The following PKD1L3 variants were observed in gnomAD, a reference collection of about 807,000 sequenced individuals.
PKD1L3 encodes polycystin-1-like protein 3.
A neutral mutation model predicts 184.1 loss-of-function variants in PKD1L3; 239 were observed. That is an observed-to-expected ratio of 1.30 (90% CI 1.17 to 1.45). The LOEUF is 1.45. Among genes scored for constraint, PKD1L3 ranks in the 40% most tolerant of loss-of-function variants. The pLI, the probability that PKD1L3 is intolerant of heterozygous loss-of-function variation, is 0.00. For synonymous variants in PKD1L3, 996 were observed against 778.8 expected (o/e 1.28, Z -4.64); for missense variants, 2,660 against 2,067.2 (o/e 1.29, Z -5.56).
At chr16:71,981,522 A>G (rs1597360707) in intron 7 of PKD1L3, among the ~76,000 whole-genome samples, 2 of 141,342 alleles carry the variant, frequency 1.4e-5, no homozygotes, top group Non-Finnish European at 3.0e-5. Context: ...TTATGCCAAC[A>G]CTTTCCTAAA....
chr16:71,942,855 C>T lies in PKD1L3; in HGVS notation c.4029G>A (p.Leu1343=), dbSNP rs908660039. 3.2e-6 allele frequency: 5 copies of T among 1,551,556 alleles called. No homozygotes were observed. The highest frequency in any genetic ancestry group is 1.4e-5 in the African/African-American group (1 of 73,052). Residue 1343 remains leucine (L), a synonymous_variant, in exon 24 of 30, where the codon CTG becomes CTA. Coordinates refer to ENST00000620267, the MANE Select transcript of PKD1L3 (RefSeq NM_181536.2). ...PWANHILLPS[L]YGDYRGKNAV... ...CATTCTTACCTCTGTAATCCCCATA[C>T]AGGCTAGGAAGAAGGATATGATTGG...
intron 22 of PKD1L3, 71 bp downstream of exon 22, chr16:71,947,421 G>C: frequency 7.1e-6 from 7 of 979,430 alleles, no homozygotes; most frequent in Non-Finnish European, 1.1e-5. Flanking sequence ...TTAATTTATC[G>C]AGTCAGCAAG....
At chr16:71,963,905 C>T (rs1027533857) in intron 15 of PKD1L3, among the ~76,000 whole-genome samples, 1 of 152,236 alleles carries the variant, frequency 6.6e-6, no homozygotes, top group African/African-American at 2.4e-5. Context: ...TGTATCTACA[C>T]ATTTTATAAC....
At chr16:71,953,206 G>T in intron 17 of PKD1L3, 113 bp from the exon 18 acceptor site, 1 of 889,548 alleles carries the variant, frequency 1.1e-6, no homozygotes, top group Non-Finnish European at 1.6e-6. Flanking sequence ...TTTATCTAGA[G>T]ATAAAATTAT....
At chr16:71,929,842 G>A (rs888032457) in intron 29 of PKD1L3, 164 bp from the exon 30 acceptor site, 8 of 950,562 alleles carry the variant, frequency 8.4e-6, no homozygotes, top group Non-Finnish European at 1.1e-5. Flanking sequence ...ATGGTTGCGA[G>A]CCAACTATTT....
intron 11 of PKD1L3, among the ~76,000 whole-genome samples, chr16:71,976,813 G>A (rs2039942848): frequency 1.3e-5 from 2 of 152,094 alleles, no homozygotes; most frequent in Non-Finnish European, 1.5e-5. Context: ...CACGGTGTCA[G>A]CTCACTGCAA....
chr16:71,969,313 TTTTC>T lies in PKD1L3; in HGVS notation c.2184+558_2184+561del, dbSNP rs778067571. Among the ~76,000 whole-genome samples the T allele has an allele frequency of 1.9e-4, 29 of 152,000 alleles. 1 individual carries two copies. The highest frequency in any genetic ancestry group is 9.8e-4 in the Admixed American group (15 of 15,264). On this transcript the variant is annotated intron_variant, in intron 13 of 29. Transcript: ENST00000620267. ...TTAGTTAAGCTCTCTAGGTCTTTTC[TTTTC>T]TTTTTCTTTTTGGAGACTGGGTCTC...
At chr16:71,988,523 G>A (rs185381363) in intron 4 of PKD1L3, among the ~76,000 whole-genome samples, 4 of 152,314 alleles carry the variant, frequency 2.6e-5, no homozygotes, top group Admixed American at 1.3e-4. Context: ...GATGGGAGAT[G>A]GTGACTTGGA....
At position 71,951,671 on chromosome 16, in the gene PKD1L3, C is replaced by G; in HGVS notation, c.3083G>C (p.Trp1028Ser). Residue 1028 changes from tryptophan to serine, a missense_variant, in exon 19 of 30, where the codon TGG becomes TCG. Transcript: ENST00000620267. ...YLLSKCEQPP[W>S]SSWDITKLVK... ...CAGCTTAGTAATGTCCCAAGAACTC[C>G]ATGGCGGCTGCTCACACTTGGAGAG... 1 of 1,551,684 alleles carries G rather than the reference C, an allele frequency of 6.4e-7. No individual in the cohort carries two copies. Among genetic ancestry groups the G allele is most frequent in the Non-Finnish European group, 8.7e-7 (1 of 1,146,970 alleles).
chr16:71,958,764 G>C (rs2039149937), intron 16 of PKD1L3, among the ~76,000 whole-genome samples: 1 of 123,762 alleles, frequency 8.1e-6, no homozygotes, highest in African/African-American at 3.1e-5. Flanking sequence ...CTAGGCGATA[G>C]AGCAAGACTC....
intron 23 of PKD1L3, among the ~76,000 whole-genome samples, chr16:71,943,411 G>T (rs980169440): frequency 6.6e-6 from 1 of 151,700 alleles, no homozygotes; most frequent in Non-Finnish European, 1.5e-5. Flanking sequence ...GGTGGTCTGT[G>T]CCTGTAATCC....
intron 2 of PKD1L3, among the ~76,000 whole-genome samples, chr16:71,996,249 C>T (rs2040778583): frequency 7.2e-6 from 1 of 139,416 alleles, no homozygotes; most frequent in African/African-American, 2.7e-5. Flanking sequence ...CCCACCTCCC[C>T]CGCCTTTTTT....
chr16:71,975,182 A>G (rs868410803), intron 11 of PKD1L3, among the ~76,000 whole-genome samples: 1 of 151,314 alleles, frequency 6.6e-6, no homozygotes, highest in Non-Finnish European at 1.5e-5. Flanking sequence ...CAGCCTCCCA[A>G]GTAGTTAGGA....
Position 71,975,645 on chromosome 16 carries a change from G to A in PKD1L3, c.1759+1591C>T, listed in dbSNP as rs2039890244. Among the ~76,000 whole-genome samples the A allele has an allele frequency of 4.6e-5, 7 of 152,034 alleles. No individual in the cohort carries two copies. The South Asian group carries it at 1.5e-3, about 32-fold the overall frequency. On this transcript the variant is annotated intron_variant, in intron 11 of 29. Coordinates refer to ENST00000620267, the MANE Select transcript of PKD1L3 (RefSeq NM_181536.2). ...TCAACCATACAAAGAATTTTACAGG[G>A]AATAACCATATAACCATTAACTAGA... is the stretch of plus-strand genomic sequence containing the variant.
At chr16:71,979,933 G>A in intron 8 of PKD1L3, 21 bp from the exon 9 acceptor site, 7 of 1,550,640 alleles carry the variant, frequency 4.5e-6, no homozygotes, top group Non-Finnish European at 6.1e-6. Context: ...AAGTTAAAAT[G>A]GAAGTCAATT....
chr16:71,945,211 G>A lies in PKD1L3; in HGVS notation c.3719-1041C>T, dbSNP rs1017859643. 2.8e-5 allele frequency among the ~76,000 whole-genome samples: 4 copies of A among 140,778 alleles called. No homozygotes were observed. In the Admixed American group the frequency reaches 3.0e-4, roughly 10 times the overall value. The allele number at this position is 140,778 out of a possible 152,430, so 92.4% of individuals were successfully genotyped here. ...TTTAATGTGCATAGGAATCATCTGG[G>A]AATTTTATTAAAATATGGATTCTGG... On this transcript the variant is annotated intron_variant, in intron 22 of 29. Transcript: ENST00000620267.
intron 29 of PKD1L3, 78 bp from the exon 30 acceptor site, chr16:71,929,756 AT>A: frequency 7.6e-7 from 1 of 1,322,270 alleles, no homozygotes; most frequent in Non-Finnish European, 1.0e-6. Context: ...AGTACCAAAG[AT>A]TTTTAAAAAA....
chr16:71,982,255 A>AACATAC lies in PKD1L3; in HGVS notation c.967-26_967-21dup. On this transcript the variant is annotated intron_variant, in intron 6 of 29. Coordinates refer to ENST00000620267, the MANE Select transcript of PKD1L3 (RefSeq NM_181536.2). ...ATTAACCTGGGAGGATTAGAAAGCAAACATACACCCTTGAATTGTTTGCTT... is the reference window on the plus strand; with the variant it reads ...ATTAACCTGGGAGGATTAGAAAGCAAACATACACATACACCCTTGAATTGTTTGCTT... 1 of 1,469,172 alleles carries AACATAC rather than the reference A, an allele frequency of 6.8e-7. No homozygotes were observed. Among genetic ancestry groups the AACATAC allele is most frequent in the Non-Finnish European group, 9.0e-7 (1 of 1,105,866 alleles). The allele number at this position is 1,469,172 out of a possible 1,614,324, so 91.0% of individuals were successfully genotyped here. A position where few individuals can be genotyped will look rare whatever the true frequency, so the allele number is the denominator to read the frequency against.
chr16:71,980,132 T>C lies in PKD1L3; in HGVS notation c.1146A>G (p.Val382=). 1 of 1,551,478 alleles carries C rather than the reference T, an allele frequency of 6.4e-7. No homozygotes were observed. ...WLESKRHTEP[V]EDILEMSLVE... is the part of the protein sequence containing the mutation. ...CCAAGGACATTTCCAGGATGTCTTC[T>C]ACCTGCATGGAAAGGAAAACAGTGT... Residue 382 remains valine, a splice_region_variant and synonymous_variant, in exon 8 of 30, where the codon GTA becomes GTG. Transcript: ENST00000620267.
Sources: gnomAD v4.1 joint callset for allele counts (sites outside exome capture counted in the v4.1 genomes callset) on GRCh38, gnomAD v4.1.1 for gene constraint, MANE v1.5 for transcripts, NCBI Gene and HGNC (gene_info 2026-07-23, HGNC 2026-07-21) for gene names.